IGF2BP2: variants seen among roughly 807,000 people sequenced by gnomAD.
IGF2BP2 encodes the protein insulin like growth factor 2 mRNA binding protein 2, also known as insulin-like growth factor 2 mRNA-binding protein 2.
Under a neutral mutation model 75.8 loss-of-function variants are expected in IGF2BP2, and 17 were observed. That is an observed-to-expected ratio of 0.22 (90% CI 0.15 to 0.34). IGF2BP2 has a LOEUF of 0.34. Among genes scored for constraint, IGF2BP2 ranks in the 10% least tolerant of loss-of-function variants. IGF2BP2 has a pLI of 1.00. For synonymous variants in IGF2BP2, 288 were observed against 295.6 expected (o/e 0.97, Z 0.26); for missense variants, 516 against 772.4 (o/e 0.67, Z 3.93).
chr3:185,809,674 A>C (rs1039103918), intron 2 of IGF2BP2, among the ~76,000 whole-genome samples: 4 of 152,130 alleles, frequency 2.6e-5, no homozygotes, highest in South Asian at 2.1e-4. Context: ...TTTTTTAATA[A>C]AGTAAAAAGT....
chr3:185,659,182 G>A (rs1044041136), intron 10 of IGF2BP2, among the ~76,000 whole-genome samples: 2 of 152,028 alleles, frequency 1.3e-5, no homozygotes, highest in Non-Finnish European at 2.9e-5. Context: ...TTGCACCACT[G>A]CACTGGTGCT....
intron 2 of IGF2BP2, among the ~76,000 whole-genome samples, chr3:185,724,202 A>G (rs1244433857): frequency 6.6e-6 from 1 of 152,216 alleles, no homozygotes; most frequent in Non-Finnish European, 1.5e-5. Flanking sequence ...AGAGGCAGAC[A>G]CAGTCACTGA....
chr3:185,662,744 T>C (rs1322213029), intron 10 of IGF2BP2, among the ~76,000 whole-genome samples: 1 of 151,982 alleles, frequency 6.6e-6, no homozygotes, highest in Non-Finnish European at 1.5e-5. Flanking sequence ...GGTTTCACCA[T>C]GTTGGTCAGG....
chr3:185,811,146 G>A (rs140218102), intron 2 of IGF2BP2, among the ~76,000 whole-genome samples: 279 of 152,138 alleles, frequency 1.8e-3, no homozygotes, highest in African/African-American at 6.3e-3. Context: ...AGATAAAAAT[G>A]TAGGGTACTT....
intron 5 of IGF2BP2, among the ~76,000 whole-genome samples, chr3:185,691,546 G>A (rs1721955232): frequency 6.6e-6 from 1 of 152,194 alleles, no homozygotes; most frequent in Admixed American, 6.5e-5. Flanking sequence ...AAGACCAAAT[G>A]TGACCATAAT....
At chr3:185,689,304 C>T in intron 6 of IGF2BP2, 51 bp downstream of exon 6, 1 of 1,582,778 alleles carries the variant, frequency 6.3e-7, no homozygotes, top group Non-Finnish European at 8.6e-7. Context: ...GACCCACCAG[C>T]ACGCAGGGGA....
chr3:185,661,276 C>T (rs1196727704), intron 10 of IGF2BP2, among the ~76,000 whole-genome samples: 1 of 152,128 alleles, frequency 6.6e-6, no homozygotes, highest in Admixed American at 6.5e-5. Flanking sequence ...GCCTTATCCA[C>T]AAACAGACTC....
At chr3:185,746,579 A>C (rs1304062098) in intron 2 of IGF2BP2, among the ~76,000 whole-genome samples, 1 of 152,248 alleles carries the variant, frequency 6.6e-6, no homozygotes, top group East Asian at 1.9e-4. Flanking sequence ...CAAAAAAGCC[A>C]GCTCTCACTA....
chr3:185,768,932 CAGG>C (rs1324521152), intron 2 of IGF2BP2, among the ~76,000 whole-genome samples: 1 of 152,194 alleles, frequency 6.6e-6, no homozygotes, highest in Non-Finnish European at 1.5e-5. Flanking sequence ...GAGGCTGAGA[CAGG>C]AGAATTGCTT....
Position 185,808,190 on chromosome 3 carries a change from T to C in IGF2BP2, c.239+14963A>G, listed in dbSNP as rs867920384. 3.9e-4 allele frequency among the ~76,000 whole-genome samples: 59 copies of C among 150,952 alleles called. 2 individuals carry two copies. Among genetic ancestry groups the C allele is most frequent in the Non-Finnish European group, 5.9e-5 (4 of 67,782 alleles). ...AAACAAAAATGTTTTAAATTGCTAA[T>C]AGAGGCCGGGCATGGTGGCTCACAC... On this transcript the variant is annotated intron_variant, in intron 2 of 15. Coordinates refer to ENST00000382199, the MANE Select transcript of IGF2BP2 (RefSeq NM_006548.6).
intron 2 of IGF2BP2, among the ~76,000 whole-genome samples, chr3:185,770,244 A>G (rs1271858289): frequency 6.6e-6 from 1 of 152,172 alleles, no homozygotes; most frequent in African/African-American, 2.4e-5. Flanking sequence ...TTGCTCTGTC[A>G]TAGCACACCA....
intron 8 of IGF2BP2, 96 bp downstream of exon 8, chr3:185,675,695 T>C (rs1399871781): frequency 2.8e-6 from 4 of 1,429,776 alleles, no homozygotes; most frequent in Non-Finnish European, 2.9e-6. Flanking sequence ...TATGATTATA[T>C]TCCCATTTTA....
chr3:185,650,088 C>CT (rs542843120), intron 13 of IGF2BP2, among the ~76,000 whole-genome samples: 3,067 of 125,982 alleles, frequency 0.024, 93 homozygotes, highest in African/African-American at 0.073. Flanking sequence ...TGTTTTCATT[C>CT]TTTTTTTTTT....
intron 2 of IGF2BP2, among the ~76,000 whole-genome samples, chr3:185,736,103 G>A (rs576410586): frequency 2.6e-5 from 4 of 152,252 alleles, no homozygotes; most frequent in South Asian, 2.1e-4. Context: ...CCAGATCACC[G>A]TTTCAGTCCA....
intron 2 of IGF2BP2, among the ~76,000 whole-genome samples, chr3:185,789,212 T>C (rs1736295418): frequency 6.6e-6 from 1 of 152,166 alleles, no homozygotes; most frequent in African/African-American, 2.4e-5. Flanking sequence ...TTGAGCTGAG[T>C]TCCATATGGA....
intron 7 of IGF2BP2, among the ~76,000 whole-genome samples, chr3:185,677,097 AG>A (rs1719667418): frequency 7.3e-6 from 1 of 137,804 alleles, no homozygotes; most frequent in Non-Finnish European, 1.6e-5. Context: ...AGAGAGAGAG[AG>A]AGAGAGAGAT....
At chr3:185,711,304 C>A (rs1263157044) in intron 2 of IGF2BP2, among the ~76,000 whole-genome samples, 1 of 152,176 alleles carries the variant, frequency 6.6e-6, no homozygotes. Flanking sequence ...CTATGCAAAT[C>A]CTATTCCTAT....
At chr3:185,687,797 T>G (rs568476791) in intron 6 of IGF2BP2, among the ~76,000 whole-genome samples, 6 of 152,368 alleles carry the variant, frequency 3.9e-5, no homozygotes, top group African/African-American at 1.4e-4. Context: ...TTTTGTTAAC[T>G]TTCAAAATTA....
intron 2 of IGF2BP2, among the ~76,000 whole-genome samples, chr3:185,767,463 A>C (rs572320100): frequency 6.6e-6 from 1 of 152,336 alleles, no homozygotes; most frequent in African/African-American, 2.4e-5. Context: ...ATAAATTATA[A>C]AACATCAAGT....
Sources: gnomAD v4.1 joint callset for allele counts (sites outside exome capture counted in the v4.1 genomes callset) on GRCh38, gnomAD v4.1.1 for gene constraint, MANE v1.5 for transcripts, NCBI Gene and HGNC (gene_info 2026-07-23, HGNC 2026-07-21) for gene names.